SLCO5A1: variants seen among roughly 807,000 people sequenced by gnomAD.
The protein encoded by SLCO5A1 is organic anion transporter polypeptide-related protein 4.
A neutral mutation model predicts 65.1 loss-of-function variants in SLCO5A1; 39 were observed. The observed-to-expected ratio is 0.60, with a 90% CI of 0.46 to 0.78. The LOEUF is 0.78. Among genes scored for constraint, SLCO5A1 ranks in the 30% least tolerant of loss-of-function variants. The probability of loss-of-function intolerance (pLI) is 0.00; values close to 1 mark genes in which losing one functional copy is unlikely to be tolerated. For synonymous variants in SLCO5A1, 438 were observed against 415.7 expected (o/e 1.05, Z -0.65); for missense variants, 1,029 against 1,069.4 (o/e 0.96, Z 0.53).
rs561273877 is a variant in SLCO5A1 at position 69,672,680 on chromosome 8, G to A, written c.*189C>T. On this transcript the variant is annotated 3_prime_UTR_variant, in exon 10 of 10. Coordinates refer to ENST00000260126, the MANE Select transcript of SLCO5A1 (RefSeq NM_030958.3). ...CGTCTCCTTCTTGGAGAGAAGCGGG[G>A]AAAGGCTCTCAGTCTTGTTGAGGTA... is the stretch of plus-strand genomic sequence containing the variant. The A allele has an allele frequency of 3.2e-6, 2 of 619,920 alleles. No individual in the cohort carries two copies. Among genetic ancestry groups the A allele is most frequent in the East Asian group, 5.6e-5 (2 of 36,028 alleles). The allele number at this position is 619,920 out of a possible 1,614,324, so 38.4% of individuals were successfully genotyped here. A position where few individuals can be genotyped will look rare whatever the true frequency, so the allele number is the denominator to read the frequency against.
At position 69,672,697 on chromosome 8, in the gene SLCO5A1, G is replaced by A. The variant is rs1813375904; in HGVS notation, c.*172C>T. Reference sequence around the variant, plus strand: ...GAAGCGGGGAAAGGCTCTCAGTCTTGTTGAGGTATCCAGCCCTCAATGAAT... The same window carrying A: ...GAAGCGGGGAAAGGCTCTCAGTCTTATTGAGGTATCCAGCCCTCAATGAAT... On this transcript the variant is annotated 3_prime_UTR_variant, in exon 10 of 10. Coordinates refer to ENST00000260126, the MANE Select transcript of SLCO5A1 (RefSeq NM_030958.3). 1.5e-6 allele frequency: 1 copy of A among 665,638 alleles called. No individual in the cohort carries two copies. The allele number at this position is 665,638 out of a possible 1,614,324, so 41.2% of individuals were successfully genotyped here.
rs61690583 is a variant in SLCO5A1 at position 69,691,103 on chromosome 8, G to A, written c.1623-8760C>T. ...GCATCACTTAACCAAAGTTTTCATG[G>A]TCAATGCCAGCTCTTTCGGGTCCAA... On this transcript the variant is annotated intron_variant, in intron 6 of 9. Coordinates refer to ENST00000260126, the MANE Select transcript of SLCO5A1 (RefSeq NM_030958.3). Among the ~76,000 whole-genome samples, 1,209 of 152,186 alleles carry A rather than the reference G, an allele frequency of 7.9e-3. 26 individuals are homozygous for A. The highest frequency in any genetic ancestry group is 0.028 in the African/African-American group (1,147 of 41,512).
chr8:69,821,895 G>A (rs1820661283), intron 2 of SLCO5A1, among the ~76,000 whole-genome samples: 1 of 152,008 alleles, frequency 6.6e-6, no homozygotes, highest in Non-Finnish European at 1.5e-5. Context: ...GGGAGGCCAA[G>A]GTGGGTGGGT....
At chr8:69,810,286 G>A in intron 2 of SLCO5A1, among the ~76,000 whole-genome samples, 1 of 152,314 alleles carries the variant, frequency 6.6e-6, no homozygotes, top group Non-Finnish European at 1.5e-5. Flanking sequence ...GGAGAAGGAA[G>A]CCAGGTCCCA....
chr8:69,829,983 A>G (rs1470017950), intron 2 of SLCO5A1, among the ~76,000 whole-genome samples: 1 of 152,204 alleles, frequency 6.6e-6, no homozygotes, highest in Non-Finnish European at 1.5e-5. Context: ...ACTGGTGCTT[A>G]TTATACTATT....
intron 2 of SLCO5A1, among the ~76,000 whole-genome samples, chr8:69,828,990 G>C (rs1470742474): frequency 2.0e-5 from 3 of 152,170 alleles, no homozygotes; most frequent in Non-Finnish European, 2.9e-5. Flanking sequence ...AAAGTAAATA[G>C]AGGCAAAGAT....
At chr8:69,711,788 A>C (rs1375095286) in intron 5 of SLCO5A1, among the ~76,000 whole-genome samples, 1 of 152,210 alleles carries the variant, frequency 6.6e-6, no homozygotes, top group Admixed American at 6.5e-5. Flanking sequence ...GTTAGGATTA[A>C]ATGAATTAAG....
intron 4 of SLCO5A1, among the ~76,000 whole-genome samples, chr8:69,754,982 C>A (rs1169708162): frequency 1.3e-5 from 2 of 152,054 alleles, no homozygotes. Flanking sequence ...TGAAATAAAC[C>A]CTCCATGGCA....
In SLCO5A1 at chr8:69,762,750, C is replaced by G. The variant is rs149631859; in HGVS notation, c.908-875G>C. Among the ~76,000 whole-genome samples the G allele has an allele frequency of 8.4e-3, 1,279 of 152,290 alleles. 17 individuals are homozygous for G. The highest frequency in any genetic ancestry group is 0.029 in the African/African-American group (1,223 of 41,552). On this transcript the variant is annotated intron_variant, in intron 2 of 9. Transcript: ENST00000260126. ...TGACAAAACTGCTTAAGTGTCCTCACATTGCTAATATTTTTTCAAACCACC... is the reference window on the plus strand; with the variant it reads ...TGACAAAACTGCTTAAGTGTCCTCAGATTGCTAATATTTTTTCAAACCACC...
chr8:69,770,152 C>A (rs1818254324), intron 2 of SLCO5A1, among the ~76,000 whole-genome samples: 1 of 152,138 alleles, frequency 6.6e-6, no homozygotes, highest in Non-Finnish European at 1.5e-5. Context: ...TTTGCTATGT[C>A]TAAATGGTGC....
intron 2 of SLCO5A1, among the ~76,000 whole-genome samples, chr8:69,788,699 T>C (rs2130890241): frequency 6.6e-6 from 1 of 152,314 alleles, no homozygotes; most frequent in South Asian, 2.1e-4. Context: ...ATTTTTAATG[T>C]TCATCTTGTT....
chr8:69,819,697 C>T (rs1820556457), intron 2 of SLCO5A1, among the ~76,000 whole-genome samples: 1 of 152,200 alleles, frequency 6.6e-6, no homozygotes, highest in Non-Finnish European at 1.5e-5. Context: ...CGCAGTGGCT[C>T]ACGCCTATAA....
chr8:69,765,705 G>A (rs1440275992), intron 2 of SLCO5A1, among the ~76,000 whole-genome samples: 4 of 152,156 alleles, frequency 2.6e-5, no homozygotes, highest in Non-Finnish European at 5.9e-5. Flanking sequence ...CCGGCCTCCT[G>A]CTACCATTCT....
At chr8:69,696,746 T>C (rs1814514300) in intron 6 of SLCO5A1, among the ~76,000 whole-genome samples, 1 of 152,134 alleles carries the variant, frequency 6.6e-6, no homozygotes, top group Non-Finnish European at 1.5e-5. Flanking sequence ...ACTGATTCTT[T>C]AAAACAAAAT....
chr8:69,721,492 G>A (rs1815813053), intron 5 of SLCO5A1, among the ~76,000 whole-genome samples: 1 of 152,188 alleles, frequency 6.6e-6, no homozygotes, highest in Non-Finnish European at 1.5e-5. Context: ...TAATGCCAGA[G>A]CAAGGCCTAG....
Position 69,679,750 on chromosome 8 carries a change from T to G in SLCO5A1, c.1783-131A>C, listed in dbSNP as rs117626925. The G allele has an allele frequency of 5.6e-3, 6,980 of 1,253,622 alleles. 29 individuals carry two copies. Among genetic ancestry groups the G allele is most frequent in the Non-Finnish European group, 6.2e-3 (5,571 of 904,682 alleles). 77.7% of individuals were successfully genotyped at this position (1,253,622 alleles called of 1,614,324 possible). On this transcript the variant is annotated intron_variant, in intron 7 of 9. Coordinates refer to ENST00000260126, the MANE Select transcript of SLCO5A1 (RefSeq NM_030958.3). Reference sequence around the variant, plus strand: ...TTTTTTCAAACACAAAATATTTCATTGAAAGTACCTTCCTCATTGGTAACA... The same window carrying G: ...TTTTTTCAAACACAAAATATTTCATGGAAAGTACCTTCCTCATTGGTAACA...
At chr8:69,812,349 A>C (rs1333238813) in intron 2 of SLCO5A1, among the ~76,000 whole-genome samples, 7 of 152,202 alleles carry the variant, frequency 4.6e-5, no homozygotes, top group Non-Finnish European at 1.0e-4. Flanking sequence ...TTTTACAGAA[A>C]AGGAACTGAG....
chr8:69,787,016 T>G (rs1221678596), intron 2 of SLCO5A1, among the ~76,000 whole-genome samples: 1 of 152,232 alleles, frequency 6.6e-6, no homozygotes, highest in African/African-American at 2.4e-5. Context: ...AACCTGTTTG[T>G]AACCCAGGGC....
intron 6 of SLCO5A1, among the ~76,000 whole-genome samples, chr8:69,702,961 T>C (rs1172420911): frequency 1.3e-5 from 2 of 151,404 alleles, no homozygotes; most frequent in Non-Finnish European, 2.9e-5. Flanking sequence ...ATACAAAAAA[T>C]TAGCCAGACA....
Sources: gnomAD v4.1 joint callset for allele counts (sites outside exome capture counted in the v4.1 genomes callset) on GRCh38, gnomAD v4.1.1 for gene constraint, MANE v1.5 for transcripts, NCBI Gene and HGNC (gene_info 2026-07-23, HGNC 2026-07-21) for gene names.